SEMA3E: variants seen among roughly 807,000 people sequenced by gnomAD.
The protein encoded by SEMA3E is semaphorin 3E, also known as semaphorin-3E.
Under a neutral mutation model 93.6 loss-of-function variants are expected in SEMA3E, and 49 were observed. The observed-to-expected ratio is 0.52, with a 90% CI of 0.42 to 0.66. SEMA3E has a LOEUF of 0.66. SEMA3E is among the 30% of genes least tolerant of loss of function. The pLI is 0.00. For synonymous variants in SEMA3E, 363 were observed against 330.7 expected, an observed-to-expected ratio of 1.10 and a Z score of -1.06; for missense variants, 906 against 964.8, an observed-to-expected ratio of 0.94 and a Z score of 0.81.
intron 1 of SEMA3E, among the ~76,000 whole-genome samples, chr7:83,576,342 T>G (rs1232755060): frequency 3.3e-5 from 5 of 152,152 alleles, no homozygotes; most frequent in Non-Finnish European, 7.3e-5. Flanking sequence ...GTAACTCATA[T>G]GCTAGTTACA....
chr7:83,564,398 T>C (rs1792098962), intron 1 of SEMA3E, among the ~76,000 whole-genome samples: 2 of 151,890 alleles, frequency 1.3e-5, no homozygotes. Context: ...CCAGCCAAGG[T>C]GACAGAGTGA....
chr7:83,561,832 T>A (rs1792035074), intron 1 of SEMA3E, among the ~76,000 whole-genome samples: 1 of 152,126 alleles, frequency 6.6e-6, no homozygotes, highest in African/African-American at 2.4e-5. Flanking sequence ...CACATAGAAA[T>A]CTTGAAAATC....
chr7:83,588,812 C>T (rs1202157586), intron 1 of SEMA3E, among the ~76,000 whole-genome samples: 6 of 152,242 alleles, frequency 3.9e-5, no homozygotes, highest in East Asian at 1.9e-4. Context: ...TTACCCAGAG[C>T]GCAACTGTAT....
rs774641525 is a variant in SEMA3E, at chr7:83,394,280, AC to A, written c.1500+16del. 2.5e-6 allele frequency: 4 copies of A among 1,612,766 alleles called. No individual in the cohort carries two copies. The highest frequency in any genetic ancestry group is 3.3e-5 in the Admixed American group (2 of 59,930). ...ATAGAACACACACACCTACACACAC[AC>A]ACACACAGAACTTACCCGCTTTGAA... On this transcript the variant is annotated intron_variant, in intron 13 of 16. Transcript: ENST00000643230.
intron 1 of SEMA3E, among the ~76,000 whole-genome samples, chr7:83,505,209 C>T (rs1790671113): frequency 6.6e-6 from 1 of 151,992 alleles, no homozygotes; most frequent in Non-Finnish European, 1.5e-5. Flanking sequence ...AGCCTTTTTT[C>T]ATAAAACCTG....
chr7:83,411,847 AC>A (rs1240431814), intron 5 of SEMA3E, among the ~76,000 whole-genome samples: 1 of 152,218 alleles, frequency 6.6e-6, no homozygotes, highest in Non-Finnish European at 1.5e-5. Context: ...TTCAGTTATA[AC>A]AGAAGAACTA....
In SEMA3E at chr7:83,384,210, C is replaced by T. The variant is rs377150794; in HGVS notation, c.1875+1084G>A. 5.3e-5 allele frequency among the ~76,000 whole-genome samples: 8 copies of T among 152,036 alleles called. No homozygotes were observed. In the South Asian group the frequency reaches 1.5e-3, roughly 28 times the overall value. On this transcript the variant is annotated intron_variant, in intron 16 of 16. Transcript: ENST00000643230. ...AAAACATGTTAGGTTTTAAATTTCA[C>T]GATAGGCTAGGAAAAAAGGAATAAA... is the stretch of plus-strand genomic sequence containing the variant.
chr7:83,603,184 G>C (rs1454575021), intron 1 of SEMA3E, among the ~76,000 whole-genome samples: 2 of 152,054 alleles, frequency 1.3e-5, no homozygotes, highest in Non-Finnish European at 2.9e-5. Context: ...GAGTAATAAA[G>C]CATTTAGAAA....
intron 4 of SEMA3E, among the ~76,000 whole-genome samples, chr7:83,466,149 A>G (rs1258413165): frequency 6.6e-6 from 1 of 152,174 alleles, no homozygotes; most frequent in African/African-American, 2.4e-5. Flanking sequence ...ACCCACCTAT[A>G]TACATATTCC....
intron 1 of SEMA3E, among the ~76,000 whole-genome samples, chr7:83,577,038 C>T (rs1252193446): frequency 2.6e-5 from 4 of 152,152 alleles, no homozygotes; most frequent in Admixed American, 6.6e-5. Context: ...AACATTTTCT[C>T]CCTTATGCAA....
At chr7:83,539,853 TTCTGTG>T (rs1791482351) in intron 1 of SEMA3E, among the ~76,000 whole-genome samples, 2 of 20,896 alleles carry the variant, frequency 9.6e-5, no homozygotes, top group African/African-American at 2.0e-4. Flanking sequence ...GTTTTGTTGT[TTCTGTG>T]TGTGTGTGTG....
intron 2 of SEMA3E, among the ~76,000 whole-genome samples, chr7:83,473,546 G>C (rs1016325684): frequency 6.6e-6 from 1 of 152,128 alleles, no homozygotes. Context: ...GTGGCAAATT[G>C]TAATTATTTT....
intron 4 of SEMA3E, among the ~76,000 whole-genome samples, chr7:83,452,447 A>T (rs1158415733): frequency 6.6e-6 from 1 of 152,194 alleles, no homozygotes; most frequent in African/African-American, 2.4e-5. Flanking sequence ...GGCCACCTGC[A>T]GGGCTGCTCA....
intron 1 of SEMA3E, among the ~76,000 whole-genome samples, chr7:83,528,432 A>C (rs1405920525): frequency 6.6e-6 from 1 of 152,162 alleles, no homozygotes. Context: ...GATTTATGAG[A>C]GATCAGACCA....
At chr7:83,455,801 G>A (rs1377368221) in intron 4 of SEMA3E, among the ~76,000 whole-genome samples, 2 of 152,234 alleles carry the variant, frequency 1.3e-5, no homozygotes, top group Non-Finnish European at 2.9e-5. Context: ...GTGACCCCTA[G>A]GAGTTGACAG....
At chr7:83,544,859 G>A (rs113587449) in intron 1 of SEMA3E, among the ~76,000 whole-genome samples, 1 of 152,086 alleles carries the variant, frequency 6.6e-6, no homozygotes, top group African/African-American at 2.4e-5. Flanking sequence ...GATTAGTCAT[G>A]TGTATTTAAA....
chr7:83,476,197 A>G (rs1378445272), intron 2 of SEMA3E, among the ~76,000 whole-genome samples: 3 of 152,182 alleles, frequency 2.0e-5, no homozygotes, highest in African/African-American at 7.2e-5. Flanking sequence ...GCCTTTTATC[A>G]CATTCTTAGT....
At chr7:83,376,589 T>G (rs1222303879) in intron 16 of SEMA3E, among the ~76,000 whole-genome samples, 1 of 152,054 alleles carries the variant, frequency 6.6e-6, no homozygotes, top group Non-Finnish European at 1.5e-5. Flanking sequence ...AGCGTTTAAT[T>G]GACTTTGGTG....
rs573687214 is a variant in SEMA3E, at chr7:83,389,035, CT to C, written c.1668-1986del. Reference sequence around the variant, plus strand: ...TAGTTTTTTTTTAATGTAGAGATTGCTGATTAGAAAATCTTACCTAAAAACC... The same window carrying C: ...TAGTTTTTTTTTAATGTAGAGATTGCGATTAGAAAATCTTACCTAAAAACC... On this transcript the variant is annotated intron_variant, in intron 14 of 16. Transcript: ENST00000643230. Among the ~76,000 whole-genome samples the C allele has an allele frequency of 3.5e-3, 534 of 151,554 alleles. 1 individual carries two copies. The highest frequency in any genetic ancestry group is 5.3e-3 in the Non-Finnish European group (360 of 67,876).
Sources: allele counts gnomAD v4.1 joint callset (sites outside exome capture counted in the v4.1 genomes callset), GRCh38; gene constraint gnomAD v4.1.1; transcripts MANE v1.5; gene names NCBI Gene and HGNC (gene_info 2026-07-23, HGNC 2026-07-21).